The following PTPN22 variants were observed in gnomAD, a reference collection of about 807,000 sequenced individuals.
The protein encoded by PTPN22 is protein tyrosine phosphatase non-receptor type 22, also known as tyrosine-protein phosphatase non-receptor type 22.
A neutral mutation model predicts 103.3 loss-of-function variants in PTPN22; 85 were observed. The ratio of observed to expected loss-of-function variants is 0.82; its 90% confidence interval spans 0.69 to 0.99. The LOEUF (loss-of-function observed/expected upper bound fraction) is 0.99, where lower values mean the gene tolerates loss of function less well. PTPN22 is among the 50% of genes least tolerant of loss of function. The pLI is 0.00. For synonymous variants in PTPN22, 323 were observed against 310.2 expected (o/e 1.04, Z -0.43); for missense variants, 865 against 936.9 (o/e 0.92, Z 1.00).
intron 5 of PTPN22, 136 bp downstream of exon 5, chr1:113,857,602 G>T: frequency 2.8e-6 from 2 of 710,050 alleles, no homozygotes; most frequent in Non-Finnish European, 4.6e-6. Context: ...GAATCACGTG[G>T]CATTCCCAAA....
chr1:113,864,082 G>A, intron 1 of PTPN22: 1 of 343,632 alleles, frequency 2.9e-6, no homozygotes. Flanking sequence ...TTGCACTCTG[G>A]TCTGGGCAAA....
At chr1:113,858,036 T>A (rs768501071) in intron 4 of PTPN22, 19 of 270,002 alleles carry the variant, frequency 7.0e-5, no homozygotes, top group Non-Finnish European at 1.2e-4. Flanking sequence ...TTCTCATTTT[T>A]AAATTTATTT....
intron 11 of PTPN22, among the ~76,000 whole-genome samples, chr1:113,845,194 G>GTT (rs1322305042): frequency 1.4e-5 from 2 of 141,308 alleles, no homozygotes; most frequent in African/African-American, 2.6e-5. Flanking sequence ...TTTTGTTTTT[G>GTT]TTTTTGTTTT....
chr1:113,833,280 T>C (rs1350797727), intron 15 of PTPN22, 142 bp from the exon 16 acceptor site: 3 of 571,352 alleles, frequency 5.3e-6, no homozygotes, highest in South Asian at 2.1e-5. Context: ...TTTTTCCTAA[T>C]TTGTAAGTGT....
intron 7 of PTPN22, 141 bp from the exon 8 acceptor site, chr1:113,855,190 TATATTC>T (rs1298333648): frequency 1.4e-6 from 1 of 711,140 alleles, no homozygotes; most frequent in African/African-American, 1.8e-5. Context: ...CCTTGTGTCT[TATATTC>T]ATAAGATTAA....
intron 7 of PTPN22, 77 bp from the exon 8 acceptor site, chr1:113,855,126 C>T: frequency 7.7e-7 from 1 of 1,307,108 alleles, no homozygotes; most frequent in Non-Finnish European, 1.1e-6. Flanking sequence ...TGCTCACTAC[C>T]TGGGTGATGG....
chr1:113,843,013 T>C (rs966394878), intron 11 of PTPN22, among the ~76,000 whole-genome samples: 36 of 132,482 alleles, frequency 2.7e-4, no homozygotes, highest in Non-Finnish European at 5.2e-4. Flanking sequence ...GGCAGGAGAA[T>C]GGCGTGAACC....
intron 2 of PTPN22, 131 bp downstream of exon 2, chr1:113,859,221 G>A: frequency 6.5e-7 from 1 of 1,549,118 alleles, no homozygotes; most frequent in South Asian, 1.2e-5. Flanking sequence ...TTCTTTTGCA[G>A]TCATAAATAG....
exon 21 of PTPN22, chr1:113,814,924 G>C (rs771974866): frequency 3.7e-6 from 6 of 1,608,512 alleles, no homozygotes; most frequent in Non-Finnish European, 5.1e-6. Context: ...CCAAGTTGGT[G>C]GTGGATTCCT....
intron 1 of PTPN22, among the ~76,000 whole-genome samples, chr1:113,867,856 T>TC (rs1180169732): frequency 6.6e-6 from 1 of 152,164 alleles, no homozygotes. Context: ...ATGAATACAG[T>TC]CCTCTCACAG....
At chr1:113,871,694 A>G (rs1666600315) in exon 1 of PTPN22, 3 of 1,415,968 alleles carry the variant, frequency 2.1e-6, no homozygotes, top group East Asian at 4.6e-5. Flanking sequence ...CATGGCCGAG[A>G]CACCTCCAAA....
Position 113,834,454 on chromosome 1 carries a change from A to G in PTPN22, c.1895-15T>C. 9 of 1,608,178 alleles carry G rather than the reference A, an allele frequency of 5.6e-6. No individual in the cohort carries two copies. The highest frequency in any genetic ancestry group is 7.7e-6 in the Non-Finnish European group (9 of 1,174,654). On this transcript the variant is annotated splice_polypyrimidine_tract_variant and intron_variant, in intron 14 of 20. Coordinates refer to ENST00000359785, the Ensembl canonical transcript of PTPN22. ...TGAGAATTCTCCTGGAAGAAAGTGA[A>G]TATAGTTCGGTTCTTAAGAATAGTA...
intron 1 of PTPN22, among the ~76,000 whole-genome samples, chr1:113,864,649 C>T (rs1456868837): frequency 6.7e-6 from 1 of 148,520 alleles, no homozygotes; most frequent in African/African-American, 2.5e-5. Flanking sequence ...GGCATGGTGG[C>T]TCACGCCTAT....
exon 13 of PTPN22, chr1:113,838,285 G>A: frequency 6.2e-7 from 1 of 1,614,004 alleles, no homozygotes; most frequent in Non-Finnish European, 8.5e-7. Flanking sequence ...GCTTGATTTA[G>A]CAGGGTGCAA....
chr1:113,825,057 A>C, intron 19 of PTPN22, 85 bp downstream of exon 19: 1 of 1,008,070 alleles, frequency 9.9e-7, no homozygotes, highest in South Asian at 1.6e-5. Context: ...TAATATTGTT[A>C]ATCTTTTCAC....
chr1:113,848,389 T>C, intron 11 of PTPN22, 151 bp downstream of exon 11: 1 of 1,085,692 alleles, frequency 9.2e-7, no homozygotes, highest in Non-Finnish European at 1.3e-6. Flanking sequence ...AATTTGTCAT[T>C]TTCCACAGGA....
intron 20 of PTPN22, among the ~76,000 whole-genome samples, chr1:113,815,206 G>T (rs1408685727): frequency 6.6e-6 from 1 of 151,946 alleles, no homozygotes; most frequent in Non-Finnish European, 1.5e-5. Flanking sequence ...TTTAATAATG[G>T]TAATAATAGA....
At chr1:113,828,977 T>G (rs528148698) in intron 18 of PTPN22, 6 of 152,340 alleles carry the variant, frequency 3.9e-5, no homozygotes, top group African/African-American at 7.2e-5. Context: ...TTCGAATATC[T>G]GCTAAGGTGA....
At chr1:113,862,439 C>T (rs1244074838) in intron 1 of PTPN22, among the ~76,000 whole-genome samples, 1 of 152,134 alleles carries the variant, frequency 6.6e-6, no homozygotes, top group Non-Finnish European at 1.5e-5. Context: ...GATGATACTA[C>T]CCCTTTCGTT....
Sources: allele counts gnomAD v4.1 joint callset (sites outside exome capture counted in the v4.1 genomes callset), GRCh38; gene constraint gnomAD v4.1.1; transcripts MANE v1.5; gene names NCBI Gene and HGNC (gene_info 2026-07-23, HGNC 2026-07-21).